ASCC3: variants seen among roughly 807,000 people sequenced by gnomAD.
The protein encoded by ASCC3 is ASC-1 complex subunit P200.
A neutral mutation model predicts 256.3 loss-of-function variants in ASCC3; 158 were observed. That is an observed-to-expected ratio of 0.62 (90% CI 0.54 to 0.70). The LOEUF is 0.70. Ranked by LOEUF, ASCC3 falls within the 30% of genes least tolerant of loss-of-function variation. The probability of loss-of-function intolerance (pLI) is 0.00; values close to 1 mark genes in which losing one functional copy is unlikely to be tolerated. For synonymous variants in ASCC3, 948 were observed against 883.4 expected, an observed-to-expected ratio of 1.07 and a Z score of -1.30; for missense variants, 2,259 against 2,626.0, an observed-to-expected ratio of 0.86 and a Z score of 3.05.
At chr6:100,544,122 T>G (rs1480316713) in intron 36 of ASCC3, among the ~76,000 whole-genome samples, 1 of 152,040 alleles carries the variant, frequency 6.6e-6, no homozygotes, top group Non-Finnish European at 1.5e-5. Flanking sequence ...TTGCACTGAA[T>G]GAAAATAAAA....
chr6:100,715,891 A>T (rs190527153), intron 12 of ASCC3, among the ~76,000 whole-genome samples: 26 of 151,882 alleles, frequency 1.7e-4, no homozygotes, highest in Admixed American at 1.6e-3. Flanking sequence ...GCTATTTTCC[A>T]TATATTTCAT....
chr6:100,628,370 T>C (rs1251464586), intron 27 of ASCC3, among the ~76,000 whole-genome samples: 1 of 152,108 alleles, frequency 6.6e-6, no homozygotes, highest in Non-Finnish European at 1.5e-5. Flanking sequence ...TAAAAATATA[T>C]CATATATTTC....
intron 36 of ASCC3, 134 bp downstream of exon 36, chr6:100,589,500 T>C (rs1316248911): frequency 2.0e-6 from 2 of 1,002,652 alleles, no homozygotes; most frequent in Non-Finnish European, 2.9e-6. Context: ...TCTAGATGTG[T>C]TGCTTTGTAG....
chr6:100,854,587 C>A (rs1246943769), intron 3 of ASCC3, among the ~76,000 whole-genome samples: 1 of 151,970 alleles, frequency 6.6e-6, no homozygotes. Context: ...AAGGCATTTC[C>A]CTATGTTTTA....
At position 100,568,903 on chromosome 6, in the gene ASCC3, G is replaced by A. The variant is rs575964576; in HGVS notation, c.5550+20731C>T. On this transcript the variant is annotated intron_variant, in intron 36 of 41. Coordinates refer to ENST00000369162, the MANE Select transcript of ASCC3 (RefSeq NM_006828.4). Reference sequence around the variant, plus strand: ...TGCCATTCTCCTGCCTCAGCCTCCCGAGTAACTGGGACTACGGGCACCCGC... The same window carrying A: ...TGCCATTCTCCTGCCTCAGCCTCCCAAGTAACTGGGACTACGGGCACCCGC... 7.3e-5 allele frequency among the ~76,000 whole-genome samples: 11 copies of A among 151,524 alleles called. No homozygotes were observed. In the South Asian group the frequency reaches 1.3e-3, roughly 17 times the overall value.
At chr6:100,578,932 AC>A (rs1771033751) in intron 36 of ASCC3, among the ~76,000 whole-genome samples, 3 of 152,072 alleles carry the variant, frequency 2.0e-5, no homozygotes, top group Non-Finnish European at 4.4e-5. Flanking sequence ...CGACTGATTT[AC>A]ATTTCTACTA....
At chr6:100,609,161 GT>G (rs1773263536) in intron 30 of ASCC3, among the ~76,000 whole-genome samples, 1 of 151,684 alleles carries the variant, frequency 6.6e-6, no homozygotes, top group African/African-American at 2.4e-5. Flanking sequence ...CTTATGTTTT[GT>G]TGCTTAGAAA....
chr6:100,588,439 G>A (rs1224722384), intron 36 of ASCC3, among the ~76,000 whole-genome samples: 1 of 152,056 alleles, frequency 6.6e-6, no homozygotes, highest in African/African-American at 2.4e-5. Context: ...CTACTTTTAT[G>A]AATCTTTGGC....
At chr6:100,545,104 C>T (rs755379308) in intron 36 of ASCC3, among the ~76,000 whole-genome samples, 16 of 152,226 alleles carry the variant, frequency 1.1e-4, no homozygotes, top group Middle Eastern at 6.8e-3. Flanking sequence ...AGTTCAACAT[C>T]CATGCCTAAC....
chr6:100,692,599 T>C (rs1777892317), intron 13 of ASCC3, among the ~76,000 whole-genome samples: 1 of 152,056 alleles, frequency 6.6e-6, no homozygotes, highest in Admixed American at 6.6e-5. Context: ...ATTCTTTTCT[T>C]TTTTTCTTTT....
At chr6:100,520,344 C>G (rs1006649879) in intron 37 of ASCC3, among the ~76,000 whole-genome samples, 1 of 152,134 alleles carries the variant, frequency 6.6e-6, no homozygotes, top group Non-Finnish European at 1.5e-5. Flanking sequence ...GCCACGTCCC[C>G]CTCTGTACAC....
intron 13 of ASCC3, among the ~76,000 whole-genome samples, chr6:100,685,087 G>A (rs368957432): frequency 5.9e-5 from 9 of 152,076 alleles, no homozygotes; most frequent in South Asian, 2.1e-4. Flanking sequence ...GATTACAGGC[G>A]TGAGCCACCA....
At chr6:100,612,678 T>C (rs560152189) in intron 30 of ASCC3, among the ~76,000 whole-genome samples, 1 of 152,186 alleles carries the variant, frequency 6.6e-6, no homozygotes, top group Non-Finnish European at 1.5e-5. Flanking sequence ...CAAGTCTGTA[T>C]GATAAACCCC....
chr6:100,686,292 T>C (rs1256619063), intron 13 of ASCC3, among the ~76,000 whole-genome samples: 2 of 152,160 alleles, frequency 1.3e-5, no homozygotes, highest in East Asian at 3.8e-4. Flanking sequence ...CTGTATTAAT[T>C]TTTTGATAGG....
intron 4 of ASCC3, among the ~76,000 whole-genome samples, chr6:100,809,275 C>G (rs1379654272): frequency 1.3e-5 from 2 of 151,906 alleles, no homozygotes; most frequent in Non-Finnish European, 2.9e-5. Context: ...ATAACAATAC[C>G]TAGCTTAAAA....
chr6:100,733,752 A>G (rs529098429), intron 10 of ASCC3, among the ~76,000 whole-genome samples: 34 of 152,108 alleles, frequency 2.2e-4, no homozygotes, highest in African/African-American at 8.0e-4. Context: ...CAGCATTAAA[A>G]CTCAACCTCT....
intron 30 of ASCC3, among the ~76,000 whole-genome samples, chr6:100,608,491 T>C (rs185685340): frequency 1.8e-4 from 1 of 5,502 alleles, no homozygotes; most frequent in African/African-American, 6.1e-4. Context: ...ATATATATAC[T>C]TTATATATAT....
rs562127371 is a variant in ASCC3, at chr6:100,866,271, T to G, written c.90+1637A>C. 2.0e-5 allele frequency among the ~76,000 whole-genome samples: 3 copies of G among 152,282 alleles called. 1 individual carries two copies. Among genetic ancestry groups the G allele is most frequent in the African/African-American group, 7.2e-5 (3 of 41,552 alleles). On this transcript the variant is annotated intron_variant, in intron 2 of 41. Transcript: ENST00000369162. The stretch of plus-strand genomic sequence containing the variant: ...AGGCGTGAGCCACAGCGCCTGGCCC[T>G]AGAGATAAATAATTTCAAAGATGTC...
At chr6:100,589,350 G>A (rs193259880) in intron 36 of ASCC3, among the ~76,000 whole-genome samples, 11 of 152,180 alleles carry the variant, frequency 7.2e-5, no homozygotes, top group African/African-American at 2.6e-4. Context: ...TAAGGATAGG[G>A]TGATGACTTG....
Sources: gnomAD v4.1 joint callset for allele counts (sites outside exome capture counted in the v4.1 genomes callset) on GRCh38, gnomAD v4.1.1 for gene constraint, MANE v1.5 for transcripts, NCBI Gene and HGNC (gene_info 2026-07-23, HGNC 2026-07-21) for gene names.